FXN: variants seen among roughly 807,000 people sequenced by gnomAD.
FXN encodes frataxin, mitochondrial.
Under a neutral mutation model 22.4 loss-of-function variants are expected in FXN, and 14 were observed. The ratio of observed to expected loss-of-function variants is 0.62; its 90% CI spans 0.41 to 0.98. The LOEUF is 0.98. Ranked by LOEUF, FXN falls within the 50% of genes least tolerant of loss-of-function variation. The pLI, the probability that FXN is intolerant of heterozygous loss-of-function variation, is 0.00. For synonymous variants in FXN, 120 were observed against 114.1 expected (o/e 1.05, Z -0.33); for missense variants, 267 against 268.4 (o/e 0.99, Z 0.04).
At position 69,074,747 on chromosome 9, in the gene FXN, A is replaced by AT; in HGVS notation, c.*1985_*1986insT. The AT allele has an allele frequency of 3.3e-6, 3 of 899,182 alleles. No individual in the cohort carries two copies. The highest frequency in any genetic ancestry group is 4.0e-6 in the Non-Finnish European group (3 of 751,660). 55.7% of individuals were successfully genotyped at this position (899,182 alleles called of 1,614,324 possible). ...AGATCCTATCTCTTAAAAAAAGAAA[A>AT]AAAAACCTATTAATAATAAAACAGT... is the stretch of plus-strand genomic sequence containing the variant. On this transcript the variant is annotated 3_prime_UTR_variant, in exon 5 of 5. Coordinates refer to ENST00000484259, the MANE Select transcript of FXN (RefSeq NM_000144.5).
In FXN at chr9:69,071,716, A is replaced by G. The variant is rs373494668; in HGVS notation, c.483-896A>G. Among the ~76,000 whole-genome samples the G allele has an allele frequency of 7.9e-4, 120 of 152,360 alleles. 1 individual carries two copies. The highest frequency in any genetic ancestry group is 3.4e-3 in the Middle Eastern group (1 of 294). On this transcript the variant is annotated intron_variant, in intron 4 of 4. Transcript: ENST00000484259. ...AATTTAACACTGAATTAAGAAAAAT[A>G]TGTTTTAAAAATAATAGTTTAGGTG...
intron 1 of FXN, among the ~76,000 whole-genome samples, chr9:69,038,774 T>C (rs1005923316): frequency 6.6e-6 from 1 of 152,010 alleles, no homozygotes; most frequent in Non-Finnish European, 1.5e-5. Context: ...GCCAAGATTT[T>C]GGGGGATTCT....
intron 3 of FXN, 115 bp downstream of exon 3, chr9:69,053,375 G>T: frequency 7.6e-7 from 1 of 1,309,286 alleles, no homozygotes; most frequent in East Asian, 2.4e-5. Flanking sequence ...GTTGTAGGTA[G>T]GATTAAAAGA....
Position 69,075,774 on chromosome 9 carries a change from A to G in FXN, c.*3012A>G, listed in dbSNP as rs1261126562. On this transcript the variant is annotated 3_prime_UTR_variant, in exon 5 of 5. Transcript: ENST00000484259. ...GAGACAGGATCTCACTTTGGCACTC[A>G]GGCTGGAGGACAGTGGTACAATCAA... 11 of 908,660 alleles carry G rather than the reference A, an allele frequency of 1.2e-5. No individual in the cohort carries two copies. The highest frequency in any genetic ancestry group is 1.4e-5 in the Non-Finnish European group (11 of 760,464). The allele number at this position is 908,660 out of a possible 1,614,324, so 56.3% of individuals were successfully genotyped here.
At position 69,076,504 on chromosome 9, in the gene FXN, A is replaced by T; in HGVS notation, c.*3742A>T. On this transcript the variant is annotated 3_prime_UTR_variant, in exon 5 of 5. Coordinates refer to ENST00000484259, the MANE Select transcript of FXN (RefSeq NM_000144.5). ...CCTTACCATGCTTATATTTTACTTG[A>T]TCTTTTGCATACCTTCTAAAACTAT... is the stretch of plus-strand genomic sequence containing the variant. The T allele has an allele frequency of 1.0e-6, 1 of 985,288 alleles. No individual in the cohort carries two copies. The highest frequency in any genetic ancestry group is 1.2e-6 in the Non-Finnish European group (1 of 829,866). 61.0% of individuals were successfully genotyped at this position (985,288 alleles called of 1,614,324 possible). A position where few individuals can be genotyped will look rare whatever the true frequency, so the allele number is the denominator to read the frequency against.
intron 3 of FXN, among the ~76,000 whole-genome samples, chr9:69,060,240 G>A (rs1217027405): frequency 2.0e-5 from 3 of 152,100 alleles, no homozygotes; most frequent in African/African-American, 4.8e-5. Context: ...GCGTGGTGGT[G>A]GGCGCCTGTA....
chr9:69,036,082 A>C, intron 1 of FXN, 135 bp downstream of exon 1: 2 of 761,524 alleles, frequency 2.6e-6, no homozygotes, highest in Non-Finnish European at 3.5e-6. Context: ...GCTCCTTCTC[A>C]GGGCGGCCCG....
chr9:69,051,919 C>T (rs1352640502), intron 2 of FXN, among the ~76,000 whole-genome samples: 1 of 152,176 alleles, frequency 6.6e-6, no homozygotes, highest in Non-Finnish European at 1.5e-5. Context: ...GCCACCTCAG[C>T]TCACTGCAAC....
chr9:69,050,150 C>T (rs1313139631), intron 2 of FXN, among the ~76,000 whole-genome samples: 1 of 152,170 alleles, frequency 6.6e-6, no homozygotes, highest in Admixed American at 6.5e-5. Flanking sequence ...TAAGTATAAA[C>T]ATGTTTGTGT....
In FXN at chr9:69,056,820, G is replaced by A. The variant is rs547745259; in HGVS notation, c.384+3560G>A. On this transcript the variant is annotated intron_variant, in intron 3 of 4. Coordinates refer to ENST00000484259, the MANE Select transcript of FXN (RefSeq NM_000144.5). ...TGTAGTGGTGTGATCTCAGCTCATCGCAACCTCCACCTCCTGGGTTCAAGT... is the reference window on the plus strand; with the variant it reads ...TGTAGTGGTGTGATCTCAGCTCATCACAACCTCCACCTCCTGGGTTCAAGT... Among the ~76,000 whole-genome samples the A allele has an allele frequency of 1.7e-3, 242 of 139,000 alleles. 2 individuals carry two copies. The highest frequency in any genetic ancestry group is 5.3e-3 in the African/African-American group (215 of 40,424). 91.2% of individuals were successfully genotyped at this position (139,000 alleles called of 152,430 possible).
chr9:69,043,786 G>T (rs1831698943), intron 1 of FXN, among the ~76,000 whole-genome samples: 2 of 152,156 alleles, frequency 1.3e-5, no homozygotes, highest in Admixed American at 1.3e-4. Context: ...GTTTCACCAT[G>T]TTGGCCAGGC....
intron 3 of FXN, among the ~76,000 whole-genome samples, chr9:69,057,845 C>T (rs893947217): frequency 6.6e-6 from 1 of 152,082 alleles, no homozygotes; most frequent in South Asian, 2.1e-4. Context: ...CTGTGGAGCA[C>T]TGATCCCTCT....
At chr9:69,070,364 A>T (rs1832251925) in intron 4 of FXN, among the ~76,000 whole-genome samples, 1 of 152,220 alleles carries the variant, frequency 6.6e-6, no homozygotes, top group Non-Finnish European at 1.5e-5. Context: ...CCAAGTTCCA[A>T]CCTTTTACAA....
chr9:69,064,372 C>G (rs1025838620), intron 3 of FXN, among the ~76,000 whole-genome samples: 2 of 152,176 alleles, frequency 1.3e-5, no homozygotes, highest in Non-Finnish European at 2.9e-5. Context: ...TGGGAAGAGT[C>G]TGGAAATAAA....
intron 3 of FXN, among the ~76,000 whole-genome samples, chr9:69,056,491 G>A (rs10123512): frequency 7.2e-4 from 109 of 152,294 alleles, no homozygotes; most frequent in African/African-American, 2.6e-3. Context: ...AACAAAATGA[G>A]ACTGCATATC....
rs1054552821 is a variant in FXN, at chr9:69,075,924, C to T, written c.*3162C>T. 6.8e-5 allele frequency: 50 copies of T among 738,454 alleles called. No homozygotes were observed. The highest frequency in any genetic ancestry group is 7.8e-5 in the Non-Finnish European group (47 of 605,658). 45.7% of individuals were successfully genotyped at this position (738,454 alleles called of 1,614,324 possible). A position where few individuals can be genotyped will look rare whatever the true frequency, so the allele number is the denominator to read the frequency against. On this transcript the variant is annotated 3_prime_UTR_variant, in exon 5 of 5. Coordinates refer to ENST00000484259, the MANE Select transcript of FXN (RefSeq NM_000144.5). ...TTCACCATGTTGCCCAGGCTGGTCTCTAACACTTAGGCTCAAGTGATCCAC... is the reference window on the plus strand; with the variant it reads ...TTCACCATGTTGCCCAGGCTGGTCTTTAACACTTAGGCTCAAGTGATCCAC...
intron 2 of FXN, 71 bp from the exon 3 acceptor site, chr9:69,053,069 T>C: frequency 6.9e-7 from 1 of 1,446,558 alleles, no homozygotes; most frequent in Non-Finnish European, 9.4e-7. Context: ...AAATAACAAA[T>C]GTATAAATTT....
chr9:69,072,417 T>C (rs1328783890), intron 4 of FXN, among the ~76,000 whole-genome samples, 195 bp from the exon 5 acceptor site: 2 of 152,186 alleles, frequency 1.3e-5, no homozygotes, highest in Non-Finnish European at 2.9e-5. Context: ...GAATCATTCT[T>C]GGAATTGTTC....
intron 2 of FXN, among the ~76,000 whole-genome samples, chr9:69,048,518 T>A (rs1831798764): frequency 6.6e-6 from 1 of 151,788 alleles, no homozygotes; most frequent in Non-Finnish European, 1.5e-5. Flanking sequence ...GGCAGGAGAA[T>A]CGCTTAAACC....
Sources: allele counts gnomAD v4.1 joint callset (sites outside exome capture counted in the v4.1 genomes callset), GRCh38; gene constraint gnomAD v4.1.1; transcripts MANE v1.5; gene names NCBI Gene and HGNC (gene_info 2026-07-23, HGNC 2026-07-21).